Variants in ZFAND1 observed in about 807,000 individuals in gnomAD.
ZFAND1 encodes AN1-type zinc finger protein 1.
ZFAND1 carries 40 observed loss-of-function variants against 38.5 expected under a neutral mutation model. The observed-to-expected ratio is 1.04, with a 90% CI of 0.81 to 1.35. ZFAND1 has a LOEUF of 1.35. Among genes scored for constraint, ZFAND1 ranks in the 40% most tolerant of loss-of-function variants. ZFAND1 has a pLI of 0.00. For synonymous variants in ZFAND1, 117 were observed against 103.6 expected (o/e 1.13, Z -0.78); for missense variants, 346 against 316.3 (o/e 1.09, Z -0.71).
chr8:81,707,379 G>A (rs1028729751), intron 6 of ZFAND1, among the ~76,000 whole-genome samples: 1 of 152,210 alleles, frequency 6.6e-6, no homozygotes, highest in East Asian at 1.9e-4. Flanking sequence ...GGAAACATGA[G>A]GGGATGTAGG....
chr8:81,706,564 T>C (rs1807990821), intron 6 of ZFAND1, among the ~76,000 whole-genome samples: 1 of 151,926 alleles, frequency 6.6e-6, no homozygotes, highest in African/African-American at 2.4e-5. Context: ...TTTAATTATA[T>C]ATGTTAAGAA....
intron 6 of ZFAND1, 36 bp from the exon 7 acceptor site, chr8:81,703,160 G>T: frequency 7.2e-7 from 1 of 1,391,432 alleles, no homozygotes; most frequent in South Asian, 1.7e-5. Flanking sequence ...CCATTACATA[G>T]ACAAAATAGA....
intron 6 of ZFAND1, chr8:81,708,766 G>A: frequency 2.4e-6 from 3 of 1,232,926 alleles, no homozygotes; most frequent in East Asian, 1.3e-4. Context: ...ATACGGAACT[G>A]GTTAGAAGGG....
chr8:81,705,831 T>C (rs1299778960), intron 6 of ZFAND1, among the ~76,000 whole-genome samples: 2 of 152,184 alleles, frequency 1.3e-5, no homozygotes, highest in Non-Finnish European at 2.9e-5. Flanking sequence ...GGCACGAGAA[T>C]TGTTTGAACC....
At chr8:81,714,062 C>A in intron 5 of ZFAND1, 23 bp from the exon 6 acceptor site, 2 of 1,564,840 alleles carry the variant, frequency 1.3e-6, no homozygotes, top group South Asian at 2.4e-5. Context: ...AGCATGTAAT[C>A]ACATAAAACT....
chr8:81,710,198 CCT>C (rs1421469390), intron 6 of ZFAND1, among the ~76,000 whole-genome samples: 1 of 152,076 alleles, frequency 6.6e-6, no homozygotes, highest in African/African-American at 2.4e-5. Context: ...CTGAATGTCC[CCT>C]TAGGGAGCAA....
intron 3 of ZFAND1, among the ~76,000 whole-genome samples, chr8:81,716,731 T>C (rs991991150): frequency 6.6e-6 from 1 of 152,194 alleles, no homozygotes. Context: ...GTGGATCACC[T>C]GAGGTCAGGA....
chr8:81,709,629 T>C (rs1216354417), intron 6 of ZFAND1, among the ~76,000 whole-genome samples: 1 of 152,136 alleles, frequency 6.6e-6, no homozygotes, highest in Non-Finnish European at 1.5e-5. Context: ...CATGTATATA[T>C]TATACATGTA....
chr8:81,714,960 G>A (rs1212918477), intron 4 of ZFAND1, 27 bp downstream of exon 4: 3 of 1,613,972 alleles, frequency 1.9e-6, no homozygotes, highest in Non-Finnish European at 2.5e-6. Context: ...GATATACAAA[G>A]TGTGAACAGC....
intron 6 of ZFAND1, among the ~76,000 whole-genome samples, chr8:81,704,839 T>C (rs543914067): frequency 6.6e-6 from 1 of 151,924 alleles, no homozygotes; most frequent in South Asian, 2.1e-4. Flanking sequence ...AAACAAGAAA[T>C]CACTGGAAAT....
At chr8:81,709,688 TACAC>T (rs1197535512) in intron 6 of ZFAND1, among the ~76,000 whole-genome samples, 2 of 152,098 alleles carry the variant, frequency 1.3e-5, no homozygotes, top group Non-Finnish European at 2.9e-5. Context: ...TATCTATACT[TACAC>T]ACACACAAAC....
intron 5 of ZFAND1, 22 bp from the exon 6 acceptor site, chr8:81,714,061 T>G: frequency 6.4e-7 from 1 of 1,572,898 alleles, no homozygotes. Context: ...AAGCATGTAA[T>G]CACATAAAAC....
chr8:81,703,049 G>A lies in ZFAND1; in HGVS notation c.556C>T (p.Arg186Ter), dbSNP rs367992038. The change falls in exon 7 of 8, where the codon CGA becomes TGA. Residue 186 changes from arginine (R) to a stop codon, truncating the protein, a stop_gained. Coordinates refer to ENST00000220669, the MANE Select transcript of ZFAND1 (RefSeq NM_024699.3). LOFTEE classifies it high-confidence loss of function. ...EKSKPMFFCHRWSIGKAIDFA... is the reference protein window; with the variant it reads ...EKSKPMFFCH ...TCTATGGCCTTTCCAATGCTCCATC[G>A]GTGGCAAAAGAACATTGGTTTGCTC... The A allele has an allele frequency of 9.5e-6, 15 of 1,578,782 alleles. No individual in the cohort carries two copies. Among genetic ancestry groups the A allele is most frequent in the African/African-American group, 1.4e-5 (1 of 74,030 alleles).
In ZFAND1 at chr8:81,714,992, G is replaced by GAGGTGGAGAAGATTGGAT; in HGVS notation, c.260_261insATCCAATCTTCTCCACCT (p.Cys87delinsTer). 1 of 1,613,932 alleles carries GAGGTGGAGAAGATTGGAT rather than the reference G, an allele frequency of 6.2e-7. No individual in the cohort carries two copies. Among genetic ancestry groups the GAGGTGGAGAAGATTGGAT allele is most frequent in the Non-Finnish European group, 8.5e-7 (1 of 1,179,866 alleles). ...CAGCCTAAGTGATCAATCACCTCAG[G>GAGGTGGAGAAGATTGGAT]CAAAAATTCTTCTCACAATAAGGAC... On this transcript the variant is annotated stop_gained, in exon 4 of 8. Transcript: ENST00000220669. LOFTEE classifies it high-confidence loss of function.
rs1368863042 is a variant in ZFAND1, at chr8:81,702,723, C to A, written c.779G>T (p.Cys260Phe). The change falls in exon 8 of 8, where the codon TGT becomes TTT. Residue 260 changes from cysteine (C) to phenylalanine (F), a missense_variant. Coordinates refer to ENST00000220669, the MANE Select transcript of ZFAND1 (RefSeq NM_024699.3). ...TTCCAAGTAAGATTCAACATTTTTA[C>A]AGAATTGTTCTTCATCATTAAGATA... ...LEYLNDEEQF[C>F]KNVESYLE 6.4e-7 allele frequency: 1 copy of A among 1,551,978 alleles called. No individual in the cohort carries two copies. The highest frequency in any genetic ancestry group is 8.7e-7 in the Non-Finnish European group (1 of 1,153,382).
At chr8:81,718,271 T>C (rs754044477) in intron 1 of ZFAND1, 47 bp from the exon 2 acceptor site, 14 of 1,428,392 alleles carry the variant, frequency 9.8e-6, no homozygotes, top group Non-Finnish European at 1.3e-5. Flanking sequence ...CTGATTTTGA[T>C]TTAGTTTTCT....
chr8:81,709,472 C>T (rs531704035), intron 6 of ZFAND1, among the ~76,000 whole-genome samples: 1 of 152,056 alleles, frequency 6.6e-6, no homozygotes, highest in East Asian at 1.9e-4. Context: ...TGATTGATAC[C>T]ATTTTTATAA....
chr8:81,706,005 A>G (rs1360458604), intron 6 of ZFAND1, among the ~76,000 whole-genome samples: 1 of 152,240 alleles, frequency 6.6e-6, no homozygotes, highest in Non-Finnish European at 1.5e-5. Flanking sequence ...CACTATTTAG[A>G]GAGAAAATGA....
intron 1 of ZFAND1, among the ~76,000 whole-genome samples, chr8:81,719,310 A>AACACACACAC (rs71268018): frequency 0.1 from 12,605 of 124,734 alleles, 706 homozygotes; most frequent in South Asian, 0.12. Flanking sequence ...CTCTACTGAA[A>AACACACACAC]ACACACACAC....
Sources: gnomAD v4.1 joint callset for allele counts (sites outside exome capture counted in the v4.1 genomes callset) on GRCh38, gnomAD v4.1.1 for gene constraint, MANE v1.5 for transcripts, NCBI Gene and HGNC (gene_info 2026-07-23, HGNC 2026-07-21) for gene names.